TMEM132D: variants seen among roughly 807,000 people sequenced by gnomAD.
The protein encoded by TMEM132D is mature OL transmembrane protein.
TMEM132D carries 21 observed loss-of-function variants against 62.3 expected under a neutral mutation model. That is an observed-to-expected ratio of 0.34 (90% confidence interval 0.24 to 0.49). The LOEUF (loss-of-function observed/expected upper bound fraction) is 0.49, where lower values mean the gene tolerates loss of function less well. Among genes scored for constraint, TMEM132D ranks in the 20% least tolerant of loss-of-function variants. TMEM132D has a pLI of 0.99. For missense variants in TMEM132D, 1,346 were observed against 1,402.8 expected (o/e 0.96, Z 0.65); for synonymous variants, 621 against 575.6 (o/e 1.08, Z -1.13).
chr12:129,739,144 G>A (rs552649781), intron 1 of TMEM132D, among the ~76,000 whole-genome samples: 76 of 152,248 alleles, frequency 5.0e-4, no homozygotes, highest in Middle Eastern at 3.4e-3. Flanking sequence ...ACTCTTAGGC[G>A]GTATAGTGAG....
chr12:129,138,336 G>A (rs1453961241), intron 5 of TMEM132D, among the ~76,000 whole-genome samples: 6 of 152,166 alleles, frequency 3.9e-5, no homozygotes, highest in Non-Finnish European at 8.8e-5. Flanking sequence ...GGCTAGATAT[G>A]ACCCAAGGAC....
chr12:129,558,211 T>G (rs1328996499), intron 2 of TMEM132D, among the ~76,000 whole-genome samples: 2 of 152,184 alleles, frequency 1.3e-5, no homozygotes, highest in Non-Finnish European at 2.9e-5. Context: ...TGCTTTGGAA[T>G]TTCCTGACCA....
chr12:129,541,143 C>T (rs746820679), intron 2 of TMEM132D, among the ~76,000 whole-genome samples: 3 of 152,170 alleles, frequency 2.0e-5, no homozygotes, highest in Admixed American at 1.3e-4. Context: ...GTGTAAGGAG[C>T]GGCTACTTAG....
intron 2 of TMEM132D, among the ~76,000 whole-genome samples, chr12:129,664,868 A>G (rs926758294): frequency 6.6e-6 from 1 of 152,162 alleles, no homozygotes; most frequent in African/African-American, 2.4e-5. Flanking sequence ...AATGACAGCA[A>G]TGACAACTAA....
intron 5 of TMEM132D, among the ~76,000 whole-genome samples, chr12:129,188,762 GGAGAGAGAGAGAGAGAGA>G (rs569138938): frequency 0.042 from 5,288 of 126,296 alleles, 133 homozygotes; most frequent in Non-Finnish European, 0.061. Flanking sequence ...AGGGAGAGAG[GGAGAGAGAGAGAGAGAGA>G]GAGAGAGAGA....
intron 5 of TMEM132D, among the ~76,000 whole-genome samples, chr12:129,101,259 C>A (rs769495666): frequency 6.6e-6 from 1 of 152,244 alleles, no homozygotes; most frequent in Non-Finnish European, 1.5e-5. Flanking sequence ...CAGCCCCGTG[C>A]AGCTTCTTTG....
intron 3 of TMEM132D, among the ~76,000 whole-genome samples, chr12:129,486,505 C>T (rs868486831): frequency 8.5e-5 from 13 of 152,182 alleles, no homozygotes; most frequent in Middle Eastern, 3.4e-3. Flanking sequence ...CATATAAAAC[C>T]GAGTCTCTGA....
At chr12:129,570,006 G>C (rs1338783732) in intron 2 of TMEM132D, among the ~76,000 whole-genome samples, 3 of 152,082 alleles carry the variant, frequency 2.0e-5, no homozygotes, top group Non-Finnish European at 2.9e-5. Context: ...TCAATTCTAC[G>C]GGAAGAGACT....
intron 3 of TMEM132D, among the ~76,000 whole-genome samples, chr12:129,436,778 A>T (rs754673721): frequency 3.3e-5 from 5 of 152,212 alleles, no homozygotes; most frequent in Non-Finnish European, 5.9e-5. Flanking sequence ...ATAATGGTAC[A>T]CATACATGTA....
At chr12:129,619,678 C>A (rs187821614) in intron 2 of TMEM132D, among the ~76,000 whole-genome samples, 1 of 152,268 alleles carries the variant, frequency 6.6e-6, no homozygotes, top group Admixed American at 6.5e-5. Context: ...CTTTTAATGT[C>A]CCCATTATAA....
At chr12:129,199,098 C>G (rs904493379) in intron 5 of TMEM132D, among the ~76,000 whole-genome samples, 2 of 131,934 alleles carry the variant, frequency 1.5e-5, no homozygotes, top group Non-Finnish European at 3.1e-5. Context: ...ACACGTCCAT[C>G]TACCTTTTTT....
intron 3 of TMEM132D, among the ~76,000 whole-genome samples, chr12:129,516,275 G>A (rs1056654187): frequency 3.9e-5 from 6 of 152,190 alleles, no homozygotes; most frequent in East Asian, 1.9e-4. Flanking sequence ...TAAGTGCAAC[G>A]TCTGACTGAG....
At chr12:129,264,950 C>T (rs1880646850) in intron 4 of TMEM132D, among the ~76,000 whole-genome samples, 1 of 152,162 alleles carries the variant, frequency 6.6e-6, no homozygotes, top group Admixed American at 6.5e-5. Context: ...TAAAAGACTA[C>T]AGATATGGTG....
At position 129,505,538 on chromosome 12, in the gene TMEM132D, T is replaced by C. The variant is rs1468688831; in HGVS notation, c.1115+25521A>G. On this transcript the variant is annotated intron_variant, in intron 3 of 8. Transcript: ENST00000422113. ...GATTACAGGCATGAGCCACCACGCCTGGCCTGTTCCAAGGTATAGTTTAAG... is the reference window on the plus strand; with the variant it reads ...GATTACAGGCATGAGCCACCACGCCCGGCCTGTTCCAAGGTATAGTTTAAG... Among the ~76,000 whole-genome samples, 19 of 152,306 alleles carry C rather than the reference T, an allele frequency of 1.2e-4. No individual in the cohort carries two copies. In the East Asian group the frequency reaches 3.1e-3, roughly 25 times the overall value.
At chr12:129,450,796 G>A (rs189863837) in intron 3 of TMEM132D, among the ~76,000 whole-genome samples, 2,976 of 129,818 alleles carry the variant, frequency 0.023, 50 homozygotes, top group Non-Finnish European at 0.032. Context: ...TCACTCTGTC[G>A]CCCAGGCTGG....
At chr12:129,396,315 A>G (rs1035836476) in intron 3 of TMEM132D, among the ~76,000 whole-genome samples, 1 of 152,068 alleles carries the variant, frequency 6.6e-6, no homozygotes, top group Non-Finnish European at 1.5e-5. Context: ...CCCACATTTT[A>G]TTTCCCATCC....
At chr12:129,452,400 T>C (rs993188570) in intron 3 of TMEM132D, among the ~76,000 whole-genome samples, 1 of 152,220 alleles carries the variant, frequency 6.6e-6, no homozygotes, top group Non-Finnish European at 1.5e-5. Flanking sequence ...TCATCTTCCG[T>C]GCTTACAAAG....
chr12:129,700,262 A>G lies in TMEM132D; in HGVS notation c.516T>C (p.Ala172=), dbSNP rs1221767380. The G allele has an allele frequency of 1.2e-6, 2 of 1,613,326 alleles. No individual in the cohort carries two copies. Among genetic ancestry groups the G allele is most frequent in the African/African-American group, 2.7e-5 (2 of 74,924 alleles). The part of the protein sequence containing the change: ...GEKLPCLRVF[A]FRETREVRGS... ...CCCGCACCTCTCGGGTCTCTCGGAA[A>G]GCAAAGACCCTCAGGCACGGCAGCT... is the stretch of plus-strand genomic sequence containing the variant. Residue 172 remains alanine (A), a synonymous_variant, in exon 2 of 9, where the codon GCT becomes GCC. Transcript: ENST00000422113.
chr12:129,693,568 G>A (rs758522507), intron 2 of TMEM132D, among the ~76,000 whole-genome samples: 2 of 152,210 alleles, frequency 1.3e-5, no homozygotes, highest in South Asian at 2.1e-4. Flanking sequence ...GCCTCAGCGC[G>A]GTGCTGGTGA....
Sources: gnomAD v4.1 joint callset for allele counts (sites outside exome capture counted in the v4.1 genomes callset) on GRCh38, gnomAD v4.1.1 for gene constraint, MANE v1.5 for transcripts, NCBI Gene and HGNC (gene_info 2026-07-23, HGNC 2026-07-21) for gene names.